MSI2: variants seen among roughly 807,000 people sequenced by gnomAD.
MSI2 encodes the protein musashi RNA binding protein 2.
In MSI2, 17 loss-of-function variants were observed where a neutral mutation model predicts 45.6. The ratio of observed to expected loss-of-function variants is 0.37; its 90% CI spans 0.26 to 0.56. MSI2 has a LOEUF of 0.56. MSI2 is among the 20% of genes least tolerant of loss of function. The pLI is 0.77. For synonymous variants in MSI2, 156 were observed against 158.2 expected (o/e 0.99, Z 0.11); for missense variants, 293 against 444.2 (o/e 0.66, Z 3.06).
intron 5 of MSI2, among the ~76,000 whole-genome samples, chr17:57,374,317 C>T (rs951078627): frequency 6.6e-6 from 1 of 152,154 alleles, no homozygotes; most frequent in Non-Finnish European, 1.5e-5. Flanking sequence ...AATTCAAATC[C>T]AATTCCAACT....
intron 11 of MSI2, among the ~76,000 whole-genome samples, chr17:57,653,023 C>A (rs1348812174): frequency 6.6e-6 from 1 of 152,164 alleles, no homozygotes; most frequent in Non-Finnish European, 1.5e-5. Flanking sequence ...CTCTGTCCCC[C>A]CACGCCCCAC....
At chr17:57,692,714 G>GTTTT in the MSI2 span, among the ~76,000 whole-genome samples, 7 of 150,996 alleles carry the variant, frequency 4.6e-5, no homozygotes, top group Admixed American at 4.6e-4. Context: ...TGTGTTGACA[G>GTTTT]GTTTTGTTTT....
intron 8 of MSI2, among the ~76,000 whole-genome samples, chr17:57,605,707 C>T (rs1906500049): frequency 1.3e-5 from 2 of 152,278 alleles, no homozygotes. Context: ...CTTCTAGTTT[C>T]ACTCTAGTTT....
rs545396876 is a variant in MSI2 at position 57,276,358 on chromosome 17, G to A, written c.312+14166G>A. 7.2e-5 allele frequency among the ~76,000 whole-genome samples: 11 copies of A among 152,302 alleles called. No individual in the cohort carries two copies. In the South Asian group the frequency reaches 1.0e-3, roughly 14 times the overall value. ...ATTGGAGACTCCCCTCCCGCCTGGC[G>A]TCTCTTCATCCAAGGTTTTCTGAGC... is the stretch of plus-strand genomic sequence containing the variant. On this transcript the variant is annotated intron_variant, in intron 5 of 13. Transcript: ENST00000284073.
chr17:57,484,026 A>G (rs1455760303), intron 6 of MSI2, among the ~76,000 whole-genome samples: 6 of 152,178 alleles, frequency 3.9e-5, no homozygotes, highest in Non-Finnish European at 7.4e-5. Context: ...TTACAAATGG[A>G]GAAACGGAGG....
intron 5 of MSI2, among the ~76,000 whole-genome samples, chr17:57,353,105 C>T (rs565882428): frequency 6.6e-6 from 1 of 152,268 alleles, no homozygotes; most frequent in South Asian, 2.1e-4. Flanking sequence ...ATCAACAGTT[C>T]ATTGGCCCAT....
At chr17:57,338,158 C>T (rs900598720) in intron 5 of MSI2, among the ~76,000 whole-genome samples, 13 of 151,936 alleles carry the variant, frequency 8.6e-5, no homozygotes, top group African/African-American at 1.5e-4. Flanking sequence ...GGCGTGATCT[C>T]GGCTCACTAC....
the MSI2 span, among the ~76,000 whole-genome samples, chr17:57,700,800 G>A: frequency 4.6e-3 from 693 of 152,192 alleles, 2 homozygotes; most frequent in Non-Finnish European, 7.7e-3. Flanking sequence ...TACTCAGGAG[G>A]CTGAGGCAGG....
intron 5 of MSI2, among the ~76,000 whole-genome samples, chr17:57,282,506 C>T (rs1192884243): frequency 2.0e-5 from 3 of 152,130 alleles, no homozygotes; most frequent in Admixed American, 6.6e-5. Context: ...GTGGCAGGCT[C>T]ATCTTTCAGG....
At chr17:57,663,422 T>A (rs1402319202) in intron 11 of MSI2, among the ~76,000 whole-genome samples, 2 of 152,166 alleles carry the variant, frequency 1.3e-5, no homozygotes, top group Non-Finnish European at 2.9e-5. Flanking sequence ...GGCAGAGGCT[T>A]GTGTAGCCGG....
chr17:57,642,015 T>C (rs1183163511), intron 10 of MSI2, among the ~76,000 whole-genome samples: 2 of 152,244 alleles, frequency 1.3e-5, no homozygotes, highest in African/African-American at 4.8e-5. Flanking sequence ...TTCTTGATGC[T>C]AGCTGTCTGG....
intron 6 of MSI2, among the ~76,000 whole-genome samples, chr17:57,416,776 C>T (rs1044962906): frequency 6.6e-6 from 1 of 152,166 alleles, no homozygotes; most frequent in African/African-American, 2.4e-5. Flanking sequence ...GACGACAGTA[C>T]ATTCAGGAGC....
chr17:57,311,355 A>C (rs1912384435), intron 5 of MSI2, among the ~76,000 whole-genome samples: 1 of 152,218 alleles, frequency 6.6e-6, no homozygotes. Flanking sequence ...CTGGATTCTG[A>C]AATCTCATTT....
At chr17:57,607,848 G>A (rs964667389) in intron 8 of MSI2, among the ~76,000 whole-genome samples, 8 of 152,144 alleles carry the variant, frequency 5.3e-5, no homozygotes, top group African/African-American at 1.9e-4. Context: ...GCAGGTGCAA[G>A]CAAGCGAGAG....
chr17:57,618,949 A>C (rs1335067755), intron 9 of MSI2, among the ~76,000 whole-genome samples: 1 of 152,234 alleles, frequency 6.6e-6, no homozygotes, highest in Non-Finnish European at 1.5e-5. Context: ...AAATGAGCAT[A>C]AAGGCCCTAC....
At chr17:57,518,086 A>C (rs2086507992) in intron 6 of MSI2, among the ~76,000 whole-genome samples, 1 of 152,158 alleles carries the variant, frequency 6.6e-6, no homozygotes, top group Non-Finnish European at 1.5e-5. Context: ...AGCCAGTCTT[A>C]AAGAGAGCAG....
chr17:57,454,302 C>T (rs891778348), intron 6 of MSI2, among the ~76,000 whole-genome samples: 3 of 152,212 alleles, frequency 2.0e-5, no homozygotes, highest in Non-Finnish European at 2.9e-5. Flanking sequence ...GTCCAATGAA[C>T]GTGTGCTTCC....
chr17:57,366,637 G>A (rs1917215134), intron 5 of MSI2, among the ~76,000 whole-genome samples: 1 of 152,220 alleles, frequency 6.6e-6, no homozygotes, highest in Non-Finnish European at 1.5e-5. Context: ...TCCTGGAACA[G>A]GAAAGCAAAG....
chr17:57,411,620 G>A (rs2084198340), intron 6 of MSI2, among the ~76,000 whole-genome samples: 1 of 152,290 alleles, frequency 6.6e-6, no homozygotes, highest in East Asian at 1.9e-4. Context: ...GACTTCCTGG[G>A]TGAGGACTCT....
Sources: gnomAD v4.1 joint callset for allele counts (sites outside exome capture counted in the v4.1 genomes callset) on GRCh38, gnomAD v4.1.1 for gene constraint, MANE v1.5 for transcripts, NCBI Gene and HGNC (gene_info 2026-07-23, HGNC 2026-07-21) for gene names.